CYFIP2: variants seen among roughly 807,000 people sequenced by gnomAD.
CYFIP2 encodes the protein cytoplasmic FMR1 interacting protein 2, also known as cytoplasmic FMR1-interacting protein 2.
A neutral mutation model predicts 158.7 loss-of-function variants in CYFIP2; 29 were observed. The observed-to-expected ratio is 0.18, with a 90% CI of 0.14 to 0.25. The LOEUF is 0.25. Among genes scored for constraint, CYFIP2 ranks in the 10% least tolerant of loss-of-function variants. The probability of loss-of-function intolerance (pLI) is 1.00; values close to 1 mark genes in which losing one functional copy is unlikely to be tolerated. For synonymous variants in CYFIP2, 585 were observed against 617.6 expected (o/e 0.95, Z 0.78); for missense variants, 852 against 1,639.5 (o/e 0.52, Z 8.29).
At chr5:157,345,825 G>A (rs1429306885) in intron 23 of CYFIP2, 1 of 152,246 alleles carries the variant, frequency 6.6e-6, no homozygotes, top group Non-Finnish European at 1.5e-5. Flanking sequence ...GGCTGAAAAA[G>A]GGCAGATGAT....
At position 157,392,976 on chromosome 5, in the gene CYFIP2, C is replaced by T. The variant is rs1457978605; in HGVS notation, c.3738C>T (p.His1246=). ...TGCGCTGCTTCCAGCCACCCATCCA[C>T]CAGTCCTTGGCCACCACTTGCTAAG... is the stretch of plus-strand genomic sequence containing the variant. ...EHVRCFQPPI[H]QSLATTC The change falls in exon 31 of 31, where the codon CAC becomes CAT. Residue 1246 remains histidine, a synonymous_variant. Transcript: ENST00000620254. 1 of 1,613,920 alleles carries T rather than the reference C, an allele frequency of 6.2e-7. No individual in the cohort carries two copies. The highest frequency in any genetic ancestry group is 1.7e-5 in the Admixed American group (1 of 60,018).
At chr5:157,300,385 A>G (rs1758639000) in intron 5 of CYFIP2, among the ~76,000 whole-genome samples, 1 of 151,898 alleles carries the variant, frequency 6.6e-6, no homozygotes, top group South Asian at 2.1e-4. Flanking sequence ...AAATAGAAAA[A>G]TTAGCTGGGC....
chr5:157,373,865 C>A (rs908861100), intron 26 of CYFIP2, among the ~76,000 whole-genome samples: 3 of 152,100 alleles, frequency 2.0e-5, no homozygotes, highest in Non-Finnish European at 4.4e-5. Context: ...AATTTATCTG[C>A]ATTTTCTAAT....
At chr5:157,351,438 A>C (rs147111127) in intron 23 of CYFIP2, among the ~76,000 whole-genome samples, 128 of 152,326 alleles carry the variant, frequency 8.4e-4, no homozygotes, top group Middle Eastern at 3.4e-3. Context: ...AATATTGAAA[A>C]GTTCAAAGAT....
At chr5:157,309,649 C>A in intron 9 of CYFIP2, 94 bp from the exon 10 acceptor site, 3 of 1,164,846 alleles carry the variant, frequency 2.6e-6, no homozygotes, top group Non-Finnish European at 3.7e-6. Context: ...CCCAGGCACA[C>A]ACAGAGGCCT....
At chr5:157,367,496 G>A (rs1764496005) in intron 26 of CYFIP2, among the ~76,000 whole-genome samples, 1 of 152,166 alleles carries the variant, frequency 6.6e-6, no homozygotes, top group Admixed American at 6.5e-5. Context: ...AAAACCAGAT[G>A]TGCCTTGGAG....
At chr5:157,357,322 CAATT>C (rs1410885902) in intron 23 of CYFIP2, among the ~76,000 whole-genome samples, 2 of 152,146 alleles carry the variant, frequency 1.3e-5, no homozygotes, top group Non-Finnish European at 2.9e-5. Flanking sequence ...AGACTGAACT[CAATT>C]AAATATTTTC....
chr5:157,310,968 G>C, intron 10 of CYFIP2: 1 of 455,972 alleles, frequency 2.2e-6, no homozygotes, highest in Non-Finnish European at 4.4e-6. Context: ...GGAGAGTGAA[G>C]ATGTTCATTC....
chr5:157,319,684 C>G (rs1171992890), intron 13 of CYFIP2, 78 bp from the exon 14 acceptor site: 5 of 1,545,352 alleles, frequency 3.2e-6, no homozygotes, highest in Non-Finnish European at 4.4e-6. Context: ...CCCGCCTCCC[C>G]TGGCAGGGCG....
chr5:157,389,458 C>T (rs995396100), intron 29 of CYFIP2, 31 bp downstream of exon 29: 11 of 1,508,938 alleles, frequency 7.3e-6, no homozygotes, highest in Admixed American at 1.9e-5. Context: ...GCAGGGTTAC[C>T]CCCAACCTGC....
intron 3 of CYFIP2, chr5:157,288,576 T>TA (rs2045813379): frequency 2.2e-6 from 1 of 455,870 alleles, no homozygotes; most frequent in African/African-American, 2.0e-5. Context: ...GGGAAATAGA[T>TA]AAGCTTACCA....
At position 157,395,548 on chromosome 5, in the gene CYFIP2, T is replaced by G. The variant is rs1030184046; in HGVS notation, c.*2548T>G. The G allele has an allele frequency of 8.8e-7, 1 of 1,139,122 alleles. No homozygotes were observed. Among genetic ancestry groups the G allele is most frequent in the African/African-American group, 1.6e-5 (1 of 62,890 alleles). 70.6% of individuals were successfully genotyped at this position (1,139,122 alleles called of 1,614,324 possible). On this transcript the variant is annotated 3_prime_UTR_variant, in exon 31 of 31. Coordinates refer to ENST00000620254, the MANE Select transcript of CYFIP2 (RefSeq NM_001037333.3). ...TTTGGGGGTACCTGTGTTGAGTTGATAAACATTTCCATCTTCATTAAAACT... is the reference window on the plus strand; with the variant it reads ...TTTGGGGGTACCTGTGTTGAGTTGAGAAACATTTCCATCTTCATTAAAACT...
intron 23 of CYFIP2, among the ~76,000 whole-genome samples, chr5:157,352,732 C>T (rs1763152569): frequency 6.6e-6 from 1 of 152,098 alleles, no homozygotes; most frequent in South Asian, 2.1e-4. Flanking sequence ...AATCCTGGAA[C>T]CTGTCAATGT....
At chr5:157,277,940 T>G (rs1347619499) in intron 1 of CYFIP2, among the ~76,000 whole-genome samples, 1 of 152,194 alleles carries the variant, frequency 6.6e-6, no homozygotes, top group Non-Finnish European at 1.5e-5. Flanking sequence ...GGCATGTTCT[T>G]GTACTGAATA....
chr5:157,389,437 C>A lies in CYFIP2; in HGVS notation c.3446+10C>A, dbSNP rs575151532. On this transcript the variant is annotated intron_variant, in intron 29 of 30. Transcript: ENST00000620254. ...ACGAGTTCACAGCTGAGTGAGTACCCCCCAGAGAAGGCAGGGTTACCCCCA... is the reference window on the plus strand; with the variant it reads ...ACGAGTTCACAGCTGAGTGAGTACCACCCAGAGAAGGCAGGGTTACCCCCA... 75 of 1,564,004 alleles carry A rather than the reference C, an allele frequency of 4.8e-5. No homozygotes were observed. In the African/African-American group the frequency reaches 9.3e-4, roughly 19 times the overall value.
chr5:157,317,198 A>G (rs140513369), intron 13 of CYFIP2, among the ~76,000 whole-genome samples: 2 of 152,308 alleles, frequency 1.3e-5, no homozygotes, highest in African/African-American at 2.4e-5. Context: ...CACCAAGAAC[A>G]TGTCACTCTA....
At chr5:157,327,223 A>G (rs1361218900) in intron 18 of CYFIP2, among the ~76,000 whole-genome samples, 1 of 152,196 alleles carries the variant, frequency 6.6e-6, no homozygotes, top group East Asian at 1.9e-4. Flanking sequence ...AAAGTTATGT[A>G]AGCAAAGTTT....
At chr5:157,323,164 C>A in intron 15 of CYFIP2, 1 of 771,590 alleles carries the variant, frequency 1.3e-6, no homozygotes, top group Admixed American at 2.5e-5. Context: ...GAGAACCACC[C>A]CACCGCACTT....
intron 21 of CYFIP2, among the ~76,000 whole-genome samples, chr5:157,335,720 G>A (rs942435985): frequency 7.2e-5 from 11 of 152,152 alleles, no homozygotes; most frequent in Non-Finnish European, 1.6e-4. Flanking sequence ...ACATTTTTCT[G>A]AGAAATCATT....
Sources: gnomAD v4.1 joint callset for allele counts (sites outside exome capture counted in the v4.1 genomes callset) on GRCh38, gnomAD v4.1.1 for gene constraint, MANE v1.5 for transcripts, NCBI Gene and HGNC (gene_info 2026-07-23, HGNC 2026-07-21) for gene names.